The following MAP1A variants were observed in gnomAD, a reference collection of about 807,000 sequenced individuals.
The protein encoded by MAP1A is microtubule associated protein 1A.
Under a neutral mutation model 185.9 loss-of-function variants are expected in MAP1A, and 42 were observed. That is an observed-to-expected ratio of 0.23 (90% confidence interval 0.18 to 0.29). The LOEUF is 0.29. MAP1A is among the 10% of genes least tolerant of loss of function. The probability of loss-of-function intolerance (pLI) is 1.00; values close to 1 mark genes in which losing one functional copy is unlikely to be tolerated. For missense variants in MAP1A, 2,995 were observed against 3,450.4 expected (o/e 0.87, Z 3.31); for synonymous variants, 1,229 against 1,335.9 (o/e 0.92, Z 1.74).
At chr15:43,515,720 G>A (rs1232244936), upstream of MAP1A, among the ~76,000 whole-genome samples, 1 of 152,202 alleles carries the variant, frequency 6.6e-6, no homozygotes, top group Non-Finnish European at 1.5e-5. Flanking sequence ...TCTGAGAGAG[G>A]TTAAGTCTCT....
chr15:43,516,471 G>A (rs1191069971), upstream of MAP1A, among the ~76,000 whole-genome samples: 2 of 152,168 alleles, frequency 1.3e-5, no homozygotes, highest in Admixed American at 1.3e-4. Flanking sequence ...CTGTGATTGT[G>A]AGGAAGGCCT....
In MAP1A at chr15:43,525,474, C is replaced by T; in HGVS notation, c.4001C>T (p.Ala1334Val). 1.2e-6 allele frequency: 2 copies of T among 1,614,222 alleles called. No homozygotes were observed. Among genetic ancestry groups the T allele is most frequent in the Non-Finnish European group, 1.7e-6 (2 of 1,180,052 alleles). Residue 1334 changes from alanine to valine, a missense_variant, in exon 4 of 6, where the codon GCC (alanine) becomes GTC (valine). Ala to Val is a moderately conservative substitution (Grantham distance 64). This residue lies in a region of MAP1A where 2,728 missense variants were observed against 2,986.0 expected (regional missense o/e 0.91). Transcript: ENST00000300231. ...AGTCCTGAGTCTTTGCCAGGCCCTG[C>T]CTTGGAGGACATTGCCATAAAGTGG... ...SKSPESLPGP[A>V]LEDIAIKWED...
At position 43,529,018 on chromosome 15, in the gene MAP1A, C is replaced by T. The variant is rs2079359602; in HGVS notation, c.7545C>T (p.Val2515=). The T allele has an allele frequency of 6.2e-7, 1 of 1,613,794 alleles. No homozygotes were observed. Among genetic ancestry groups the T allele is most frequent in the Non-Finnish European group, 8.5e-7 (1 of 1,180,008 alleles). ...GCTCCTCACAGTCAGATTCTGATGT[C>T]CCGCCAGAAACTGAGGAGTGTCCGT... ...DSGSSQSDSD[V]PPETEECPSI... The change falls in exon 4 of 6, where the codon GTC becomes GTT. Residue 2515 remains valine, a synonymous_variant. Coordinates refer to ENST00000300231, the MANE Select transcript of MAP1A (RefSeq NM_002373.6). The surrounding 1 kb of genome is among the most constrained non-coding windows in gnomAD (Gnocchi z 4.3).
chr15:43,520,587 G>T (rs890949643), intron 1 of MAP1A, 54 bp from the exon 2 acceptor site: 10 of 1,173,702 alleles, frequency 8.5e-6, no homozygotes, highest in African/African-American at 4.6e-5. Context: ...TTCCTCTCCT[G>T]CACCACAATT....
Position 43,529,500 on chromosome 15 carries a change from C to A in MAP1A, c.8027C>A (p.Ala2676Glu), listed in dbSNP as rs1342321199. 1 of 1,604,872 alleles carries A rather than the reference C, an allele frequency of 6.2e-7. No homozygotes were observed. The highest frequency in any genetic ancestry group is 1.1e-5 in the South Asian group (1 of 89,964). ...MSKGLVNGLK[A>E]GPMALSSKGS... ...AAAGGCCTAGTCAATGGACTCAAGG[C>A]AGGACCAAGTAAGTATATCATGAAA... The change falls in exon 4 of 6, where the codon GCA becomes GAA. Residue 2676 changes from alanine (A) to glutamate (E), a missense_variant. Physicochemically the swap from Ala to Glu is moderately radical, Grantham distance 107 (BLOSUM62 -1). This residue lies in a region of MAP1A where 2,728 missense variants were observed against 2,986.0 expected (regional missense o/e 0.91). Transcript: ENST00000300231. This position sits in a 1 kb window ranked among gnomAD's most constrained non-coding sequence, Gnocchi z 4.3.
At position 43,527,119 on chromosome 15, in the gene MAP1A, G is replaced by C; in HGVS notation, c.5646G>C (p.Glu1882Asp). The change falls in exon 4 of 6, where the codon GAG becomes GAC. Residue 1882 changes from glutamate to aspartate, a missense_variant. Coordinates refer to ENST00000300231, the MANE Select transcript of MAP1A (RefSeq NM_002373.6). ...TPAPFSWGTA[E>D]YDSVVAAVQE... ...CACCCTTCTCTTGGGGCACAGCCGA[G>C]TATGACAGTGTGGTGGCTGCAGTGC... 6.2e-7 allele frequency: 1 copy of C among 1,607,114 alleles called. No individual in the cohort carries two copies.
upstream of MAP1A, among the ~76,000 whole-genome samples, chr15:43,516,212 C>G (rs1166248677): frequency 1.3e-5 from 2 of 152,174 alleles, no homozygotes; most frequent in African/African-American, 4.8e-5. Context: ...CAGATGGCCG[C>G]TTCTACCCAA....
At chr15:43,514,974 GGGAGGCCGAGGTGGGT>G (rs1193844692), upstream of MAP1A, among the ~76,000 whole-genome samples, 1 of 152,210 alleles carries the variant, frequency 6.6e-6, no homozygotes, top group Non-Finnish European at 1.5e-5. Flanking sequence ...CCAGCACTTT[GGGAGGCCGAGGTGGGT>G]GGATCACTTG....
chr15:43,512,175 G>T, intron 1 of MAP1A: 1 of 1,481,810 alleles, frequency 6.7e-7, no homozygotes, highest in African/African-American at 1.4e-5. Context: ...AACCTTCTTT[G>T]TTTTTCTCCC....
upstream of MAP1A, among the ~76,000 whole-genome samples, chr15:43,516,607 G>A (rs1171615699): frequency 6.6e-6 from 1 of 152,166 alleles, no homozygotes; most frequent in Non-Finnish European, 1.5e-5. Flanking sequence ...GAGTCCTAGA[G>A]CGCTTTACTA....
chr15:43,528,547 A>C lies in MAP1A; in HGVS notation c.7074A>C (p.Ala2358=). 6.2e-7 allele frequency: 1 copy of C among 1,613,700 alleles called. No individual in the cohort carries two copies. Among genetic ancestry groups the C allele is most frequent in the Non-Finnish European group, 8.5e-7 (1 of 1,179,964 alleles). The change falls in exon 4 of 6, where the codon GCA becomes GCC. Residue 2358 remains alanine, a synonymous_variant. Coordinates refer to ENST00000300231, the MANE Select transcript of MAP1A (RefSeq NM_002373.6). ...SPFQVPSEDC[A]ANGPTETSPN... is the part of the protein sequence containing the mutation. The stretch of plus-strand genomic sequence containing the variant: ...TCCAGGTTCCCTCTGAGGATTGTGC[A>C]GCCAATGGCCCAACTGAAACCAGCC...
chr15:43,528,728 T>G lies in MAP1A; in HGVS notation c.7255T>G (p.Ser2419Ala). The G allele has an allele frequency of 6.2e-7, 1 of 1,612,972 alleles. No homozygotes were observed. The highest frequency in any genetic ancestry group is 8.5e-7 in the Non-Finnish European group (1 of 1,179,516). ...GCAGCCAGTGTGTCCTGCAGGGGGC[T>G]CCGGGGGCCCACCCAGCAGTGCCTC... ...PEQPVCPAGGSGGPPSSASPE... is the reference protein window; with the variant it reads ...PEQPVCPAGGAGGPPSSASPE... The change falls in exon 4 of 6, where the codon TCC (serine) becomes GCC (alanine). Residue 2419 changes from serine (S) to alanine (A), a missense_variant. Physicochemically the swap from Ser to Ala is moderately conservative, Grantham distance 99 (BLOSUM62 1). Coordinates refer to ENST00000300231, the MANE Select transcript of MAP1A (RefSeq NM_002373.6).
At chr15:43,519,982 T>C (rs905208648) in intron 1 of MAP1A, among the ~76,000 whole-genome samples, 1 of 152,180 alleles carries the variant, frequency 6.6e-6, no homozygotes, top group Non-Finnish European at 1.5e-5. Context: ...ATTGTGTGCA[T>C]GTGTATTAGT....
chr15:43,523,331 A>G lies in MAP1A; in HGVS notation c.1858A>G (p.Lys620Glu), dbSNP rs1416693581. Residue 620 changes from lysine to glutamate, a missense_variant, in exon 4 of 6, where the codon AAA (lysine) becomes GAA (glutamate). Around this residue, in one of 3 missense-constraint regions of MAP1A, gnomAD observed 2,728 missense variants for 2,986.0 expected, o/e 0.91. Transcript: ENST00000300231. ...LDSGAETEEE[K>E]DTWEEKKQRE... is the part of the protein sequence containing the mutation. The stretch of plus-strand genomic sequence containing the variant: ...CTCTGGGGCTGAAACAGAGGAAGAG[A>G]AAGATACCTGGGAGGAAAAGAAGCA... 6.2e-7 allele frequency: 1 copy of G among 1,610,780 alleles called. No individual in the cohort carries two copies. The highest frequency in any genetic ancestry group is 8.5e-7 in the Non-Finnish European group (1 of 1,178,292).
At chr15:43,515,370 G>A (rs1046531099), upstream of MAP1A, among the ~76,000 whole-genome samples, 4 of 152,150 alleles carry the variant, frequency 2.6e-5, no homozygotes, top group East Asian at 3.9e-4. Flanking sequence ...CCCTGGAACC[G>A]GGGTCTGCAT....
At chr15:43,520,940 T>A (rs1240743577) in intron 2 of MAP1A, 32 bp from the exon 3 acceptor site, 2 of 1,542,280 alleles carry the variant, frequency 1.3e-6, no homozygotes, top group South Asian at 1.2e-5. Flanking sequence ...GGATTTCCTA[T>A]ATCTGTGACC....
chr15:43,518,277 A>G (rs2079305744), intron 1 of MAP1A, among the ~76,000 whole-genome samples: 1 of 151,838 alleles, frequency 6.6e-6, no homozygotes, highest in Non-Finnish European at 1.5e-5. Context: ...CCCCCACCCT[A>G]TTCCCTGCGG....
At chr15:43,513,739 A>G (rs116983290), upstream of MAP1A, among the ~76,000 whole-genome samples, 61 of 152,306 alleles carry the variant, frequency 4.0e-4, no homozygotes, top group East Asian at 0.011. Flanking sequence ...CACTCTTTTG[A>G]GAATGTTTCT....
At position 43,522,955 on chromosome 15, in the gene MAP1A, G is replaced by C. The variant is rs748855479; in HGVS notation, c.1482G>C (p.Gly494=). ...TAGACAGGAGCCGTGCTATCCGTGG[G>C]GAGAAGGAGCTGTCTTCTGAGCCCC... is the stretch of plus-strand genomic sequence containing the variant. The part of the protein sequence containing the change: ...VKIDRSRAIR[G]EKELSSEPQT... Residue 494 remains glycine, a synonymous_variant, in exon 4 of 6, where the codon GGG becomes GGC. Transcript: ENST00000300231. The surrounding 1 kb of genome is among the most constrained non-coding windows in gnomAD (Gnocchi z 5.9). 10 of 1,614,142 alleles carry C rather than the reference G, an allele frequency of 6.2e-6. No homozygotes were observed. Among genetic ancestry groups the C allele is most frequent in the Middle Eastern group, 3.3e-4 (2 of 6,062 alleles).
Sources: gnomAD v4.1 joint callset for allele counts (sites outside exome capture counted in the v4.1 genomes callset) on GRCh38, gnomAD v4.1.1 for gene constraint, gnomAD v4.1.1 regional missense constraint, Gnocchi (gnomAD v3.1) non-coding constraint, MANE v1.5 for transcripts, NCBI Gene and HGNC (gene_info 2026-07-23, HGNC 2026-07-21) for gene names.